Variants in SNCG observed in about 807,000 individuals in gnomAD.
SNCG encodes the protein gamma-synuclein.
Under a neutral mutation model 16.0 loss-of-function variants are expected in SNCG, and 13 were observed. That is an observed-to-expected ratio of 0.81 (90% CI 0.53 to 1.29). The LOEUF (loss-of-function observed/expected upper bound fraction) is 1.29. SNCG is among the 50% of genes most tolerant of loss of function. SNCG has a pLI of 0.00. For synonymous variants in SNCG, 66 were observed against 66.3 expected (o/e 1.00, Z 0.02); for missense variants, 154 against 168.5 (o/e 0.91, Z 0.48).
Position 86,959,666 on chromosome 10 carries a change from T to A in SNCG, c.155T>A (p.Val52Glu). The A allele has an allele frequency of 6.2e-7, 1 of 1,610,126 alleles. No individual in the cohort carries two copies. Residue 52 changes from valine (V) to glutamate (E), a missense_variant, in exon 2 of 5, where the codon GTG (valine) becomes GAG (glutamate). Transcript: ENST00000372017. This position sits in a 1 kb window ranked among gnomAD's most constrained non-coding sequence, Gnocchi z 4.3. Reference sequence around the variant, plus strand: ...ACCAAGGAGAATGTTGTACAGAGCGTGACCTCAGGTGAGAAGCCCCAGGGC... The same window carrying A: ...ACCAAGGAGAATGTTGTACAGAGCGAGACCTCAGGTGAGAAGCCCCAGGGC... ...AKTKENVVQSVTSVAEKTKEQ... is the reference protein window; with the variant it reads ...AKTKENVVQSETSVAEKTKEQ...
chr10:86,958,497 T>TCCCAACCCA, upstream of SNCG: 1 of 1,098,156 alleles, frequency 9.1e-7, no homozygotes. Flanking sequence ...TGAACCTCCT[T>TCCCAACCCA]CCCTCCCTCC....
At position 86,963,215 on chromosome 10, in the gene SNCG, A is replaced by ATT; in HGVS notation, c.*239_*240dup. 1 of 401,938 alleles carries ATT rather than the reference A, an allele frequency of 2.5e-6. No homozygotes were observed. The highest frequency in any genetic ancestry group is 4.4e-6 in the Non-Finnish European group (1 of 227,012). 24.9% of individuals were successfully genotyped at this position (401,938 alleles called of 1,614,324 possible). Reference sequence around the variant, plus strand: ...TCTGACCCCACTTATGCTGCTGTGAATTTTTTTTTTAAATGATTCCAAATA... The same window carrying ATT: ...TCTGACCCCACTTATGCTGCTGTGAATTTTTTTTTTTTAAATGATTCCAAATA... On this transcript the variant is annotated 3_prime_UTR_variant, in exon 5 of 5. Transcript: ENST00000372017.
rs955083059 is a variant in SNCG, at chr10:86,959,581, G to A, written c.122-52G>A. The A allele has an allele frequency of 1.5e-5, 24 of 1,557,566 alleles. No individual in the cohort carries two copies. Among genetic ancestry groups the A allele is most frequent in the South Asian group, 4.5e-5 (4 of 89,762 alleles). ...CTGTTCTGTTGTGTTTGTCCTGACC[G>A]CCCCCAACACCTCGAGGGAGGTCTG... On this transcript the variant is annotated intron_variant, in intron 1 of 4. Coordinates refer to ENST00000372017, the MANE Select transcript of SNCG (RefSeq NM_003087.3). The surrounding 1 kb of genome is among the most constrained non-coding windows in gnomAD (Gnocchi z 4.3).
intron 3 of SNCG, among the ~76,000 whole-genome samples, chr10:86,961,834 C>G (rs1318850140): frequency 2.0e-5 from 3 of 151,782 alleles, no homozygotes; most frequent in Admixed American, 6.5e-5. Flanking sequence ...CAGGATGGCC[C>G]TGGGGCAACA....
In SNCG at chr10:86,962,972, G is replaced by T; in HGVS notation, c.371G>T (p.Ser124Ile). 2 of 1,603,752 alleles carry T rather than the reference G, an allele frequency of 1.2e-6. No homozygotes were observed. Among genetic ancestry groups the T allele is most frequent in the South Asian group, 1.1e-5 (1 of 88,120 alleles). The change falls in exon 5 of 5, where the codon AGT becomes ATT. Residue 124 changes from serine to isoleucine, a missense_variant. Physicochemically the swap from Ser to Ile is moderately radical, Grantham distance 142. Transcript: ENST00000372017. ...GGTCATTCTCTCTCCCAGGCCCAGA[G>T]TGGGGGAGACTAGAGGGCTACAGGC... ...EKEEVAEEAQ[S>I]GGD is the part of the protein sequence containing the mutation.
chr10:86,958,924 GGGCGAGGCCCT>G (rs1211227836), intron 1 of SNCG, 106 bp downstream of exon 1: 1 of 1,278,790 alleles, frequency 7.8e-7, no homozygotes, highest in Non-Finnish European at 1.1e-6. Flanking sequence ...TTTTGGGAGG[GGGCGAGGCCCT>G]GGCTATCAAG....
chr10:86,957,098 C>T (rs570056400), upstream of SNCG, among the ~76,000 whole-genome samples: 1 of 152,350 alleles, frequency 6.6e-6, no homozygotes, highest in East Asian at 1.9e-4. Flanking sequence ...TCCCCCAGTG[C>T]CCCATGCTGG....
intron 3 of SNCG, 126 bp downstream of exon 3, chr10:86,960,254 C>G (rs1196064820): frequency 1.1e-6 from 1 of 944,014 alleles, no homozygotes; most frequent in Non-Finnish European, 1.6e-6. Flanking sequence ...GCTTCAGTTT[C>G]AGTACCCACT....
chr10:86,962,350 A>C (rs1844367939), intron 3 of SNCG, among the ~76,000 whole-genome samples: 1 of 152,154 alleles, frequency 6.6e-6, no homozygotes, highest in Non-Finnish European at 1.5e-5. Context: ...GGCTTCCCAG[A>C]GACTGGGGAC....
intron 3 of SNCG, among the ~76,000 whole-genome samples, chr10:86,960,496 C>CG (rs1844325059): frequency 6.6e-6 from 1 of 152,114 alleles, no homozygotes; most frequent in African/African-American, 2.4e-5. Context: ...GTCACCAGGC[C>CG]GGGGGCTGAG....
chr10:86,958,363 G>A (rs1447227641), upstream of SNCG: 1 of 985,314 alleles, frequency 1.0e-6, no homozygotes, highest in African/African-American at 1.7e-5. Flanking sequence ...ATGAATGAGG[G>A]ACAGGTTGGG....
In SNCG at chr10:86,958,837, G is replaced by A; in HGVS notation, c.121+19G>A. On this transcript the variant is annotated intron_variant, in intron 1 of 4. Coordinates refer to ENST00000372017, the MANE Select transcript of SNCG (RefSeq NM_003087.3). ...TATGTGGGTAAGTGGGGCATGGCAG[G>A]GTGGGACAGTGTGGTGGCCAAAGGG... 1.3e-6 allele frequency: 2 copies of A among 1,590,718 alleles called. No individual in the cohort carries two copies. Among genetic ancestry groups the A allele is most frequent in the Non-Finnish European group, 1.7e-6 (2 of 1,167,724 alleles).
At chr10:86,957,251 C>T, upstream of SNCG, 2 of 984,828 alleles carry the variant, frequency 2.0e-6, no homozygotes, top group Non-Finnish European at 3.1e-6. Flanking sequence ...CACAGATGGC[C>T]CAGAGATAGA....
chr10:86,957,368 G>C, upstream of SNCG: 1 of 1,612,510 alleles, frequency 6.2e-7, no homozygotes, highest in Non-Finnish European at 8.5e-7. Flanking sequence ...CAAGGTCCAG[G>C]CCCTCTTACC....
upstream of SNCG, among the ~76,000 whole-genome samples, chr10:86,956,556 G>T (rs1301309646): frequency 1.3e-5 from 2 of 152,232 alleles, no homozygotes; most frequent in African/African-American, 2.4e-5. Context: ...GCTGCAGAGA[G>T]TTCACTATGA....
At position 86,961,414 on chromosome 10, in the gene SNCG, A is replaced by G. The variant is rs141269429; in HGVS notation, c.292-1190A>G. 1.0e-3 allele frequency among the ~76,000 whole-genome samples: 152 copies of G among 152,162 alleles called. 1 individual carries two copies. Among genetic ancestry groups the G allele is most frequent in the Non-Finnish European group, 1.7e-3 (116 of 67,974 alleles). Reference sequence around the variant, plus strand: ...CTCCATGAAGCAATTCTCCTGGTCTATGTGAGCACCCAGCAGAGGAAGGTG... The same window carrying G: ...CTCCATGAAGCAATTCTCCTGGTCTGTGTGAGCACCCAGCAGAGGAAGGTG... On this transcript the variant is annotated intron_variant, in intron 3 of 4. Transcript: ENST00000372017.
chr10:86,962,479 TACA>T (rs750036198), intron 3 of SNCG, 122 bp from the exon 4 acceptor site: 363 of 635,702 alleles, frequency 5.7e-4, no homozygotes, highest in Non-Finnish European at 5.6e-4. Flanking sequence ...CCCCTCCAAG[TACA>T]ACAAGGCCAC....
In SNCG at chr10:86,962,971, A is replaced by G; in HGVS notation, c.370A>G (p.Ser124Gly). The change falls in exon 5 of 5, where the codon AGT becomes GGT. Residue 124 changes from serine (S) to glycine (G), a missense_variant. Ser to Gly is a moderately conservative substitution (Grantham distance 56, BLOSUM62 0). Transcript: ENST00000372017. ...AGGTCATTCTCTCTCCCAGGCCCAG[A>G]GTGGGGGAGACTAGAGGGCTACAGG... is the stretch of plus-strand genomic sequence containing the variant. ...EKEEVAEEAQ[S>G]GGD The G allele has an allele frequency of 1.2e-6, 2 of 1,603,562 alleles. No individual in the cohort carries two copies. Among genetic ancestry groups the G allele is most frequent in the Non-Finnish European group, 1.7e-6 (2 of 1,176,076 alleles).
upstream of SNCG, chr10:86,957,297 A>T: frequency 1.4e-6 from 2 of 1,421,968 alleles, no homozygotes; most frequent in Non-Finnish European, 2.0e-6. Context: ...GACCCCAGTG[A>T]GGTCTAGAGA....
Sources: allele counts gnomAD v4.1 joint callset (sites outside exome capture counted in the v4.1 genomes callset), GRCh38; gene constraint gnomAD v4.1.1; non-coding constraint Gnocchi (gnomAD v3.1); transcripts MANE v1.5; gene names NCBI Gene and HGNC (gene_info 2026-07-23, HGNC 2026-07-21).